The following CHRM3 variants were observed in gnomAD, a reference collection of about 807,000 sequenced individuals.
CHRM3 encodes muscarinic acetylcholine receptor M3.
A neutral mutation model predicts 41.8 loss-of-function variants in CHRM3; 11 were observed. The ratio of observed to expected loss-of-function variants is 0.26; its 90% CI spans 0.17 to 0.44. The LOEUF (loss-of-function observed/expected upper bound fraction) is 0.44, where lower values mean the gene tolerates loss of function less well. Among genes scored for constraint, CHRM3 ranks in the 20% least tolerant of loss-of-function variants. CHRM3 has a pLI of 1.00. For synonymous variants in CHRM3, 297 were observed against 301.4 expected (o/e 0.99, Z 0.15); for missense variants, 571 against 745.4 (o/e 0.77, Z 2.72).
Position 239,677,160 on chromosome 1 carries a change from T to A in CHRM3, c.-249-1026T>A, listed in dbSNP as rs1658092495. Among the ~76,000 whole-genome samples, 4 of 152,216 alleles carry A rather than the reference T, an allele frequency of 2.6e-5. No individual in the cohort carries two copies. The South Asian group carries it at 8.3e-4, about 32-fold the overall frequency. On this transcript the variant is annotated intron_variant, in intron 4 of 6. Transcript: ENST00000676153. ...TCTGCTCCTTGAACTGGCAATGATTTAGCTTTCCACATCCTGAATGGGGGT... is the reference window on the plus strand; with the variant it reads ...TCTGCTCCTTGAACTGGCAATGATTAAGCTTTCCACATCCTGAATGGGGGT...
intron 1 of CHRM3, among the ~76,000 whole-genome samples, chr1:239,442,403 G>A (rs1470816522): frequency 6.6e-6 from 1 of 151,962 alleles, no homozygotes; most frequent in Non-Finnish European, 1.5e-5. Context: ...CGCTGCACCC[G>A]GCCAAAATAC....
intron 1 of CHRM3, among the ~76,000 whole-genome samples, chr1:239,431,960 T>G (rs545527529): frequency 6.6e-6 from 1 of 151,952 alleles, no homozygotes; most frequent in Admixed American, 6.6e-5. Flanking sequence ...GAGTATAGAG[T>G]AGGAACCAGG....
At chr1:239,390,370 A>G (rs1334784125) in intron 1 of CHRM3, among the ~76,000 whole-genome samples, 2 of 152,196 alleles carry the variant, frequency 1.3e-5, no homozygotes, top group Admixed American at 6.5e-5. Flanking sequence ...CATCAATGGA[A>G]AGTTTTAATT....
At chr1:239,429,209 G>A (rs1662629861) in intron 1 of CHRM3, among the ~76,000 whole-genome samples, 1 of 152,064 alleles carries the variant, frequency 6.6e-6, no homozygotes, top group African/African-American at 2.4e-5. Context: ...TTAGCTTTTT[G>A]CATGTCTAAC....
At position 239,480,569 on chromosome 1, in the gene CHRM3, T is replaced by TTG. The variant is rs1553309544; in HGVS notation, c.-520-12139_-520-12138insGT. Among the ~76,000 whole-genome samples the TTG allele has an allele frequency of 7.1e-3, 963 of 135,420 alleles. 7 individuals carry two copies. Among genetic ancestry groups the TTG allele is most frequent in the African/African-American group, 0.025 (915 of 36,806 alleles). The allele number at this position is 135,420 out of a possible 152,430, so 88.8% of individuals were successfully genotyped here. A position where few individuals can be genotyped will look rare whatever the true frequency, so the allele number is the denominator to read the frequency against. ...TTTTTTTTTTTTTTTTTTTTTTTTT[T>TTG]TTGTTGAGACGGAGTCTAGCTCTGT... On this transcript the variant is annotated intron_variant, in intron 1 of 6. Coordinates refer to ENST00000676153, the MANE Select transcript of CHRM3 (RefSeq NM_001375978.1).
rs34075379 is a variant in CHRM3, at chr1:239,809,019, A to ATTTTTTT, written c.-146-18221_-146-18215dup. ...GTCTGGGTCTTTGACTCTGAAGTCC[A>ATTTTTTT]TTTTTTTTTTTTTTTTTTGAGACAG... is the stretch of plus-strand genomic sequence containing the variant. On this transcript the variant is annotated intron_variant, in intron 5 of 6. Coordinates refer to ENST00000676153, the MANE Select transcript of CHRM3 (RefSeq NM_001375978.1). Among the ~76,000 whole-genome samples the ATTTTTTT allele has an allele frequency of 4.8e-5, 6 of 125,242 alleles. 1 individual carries two copies. Among genetic ancestry groups the ATTTTTTT allele is most frequent in the Non-Finnish European group, 6.4e-5 (4 of 62,116 alleles). The allele number at this position is 125,242 out of a possible 152,430, so 82.2% of individuals were successfully genotyped here.
At chr1:239,717,143 G>C (rs965060039) in intron 5 of CHRM3, among the ~76,000 whole-genome samples, 1 of 151,820 alleles carries the variant, frequency 6.6e-6, no homozygotes, top group Admixed American at 6.6e-5. Flanking sequence ...CTTCTCTAAC[G>C]GTGTTCTTGG....
chr1:239,485,491 C>T (rs1667128771), intron 1 of CHRM3, among the ~76,000 whole-genome samples: 1 of 152,048 alleles, frequency 6.6e-6, no homozygotes, highest in African/African-American at 2.4e-5. Flanking sequence ...ACTATATTGC[C>T]CAGGCTAGTC....
Position 239,909,182 on chromosome 1 carries a change from G to C in CHRM3, c.1731G>C (p.Gln577His). The C allele has an allele frequency of 6.2e-7, 1 of 1,613,382 alleles. No individual in the cohort carries two copies. The highest frequency in any genetic ancestry group is 8.5e-7 in the Non-Finnish European group (1 of 1,179,826). ...GCAAGCAGCAGTACCAGCAGAGACA[G>C]TCGGTCATTTTTCACAAGCGCGCAC... ...KRRKQQYQQR[Q>H]SVIFHKRAPE... Residue 577 changes from glutamine (Q) to histidine (H), a missense_variant, in exon 7 of 7, where the codon CAG becomes CAC. This residue lies in a region of CHRM3 where 44 missense variants were observed against 39.7 expected (regional missense o/e 1.11). Transcript: ENST00000676153.
At chr1:239,860,246 G>A (rs951588315) in intron 6 of CHRM3, among the ~76,000 whole-genome samples, 2 of 152,046 alleles carry the variant, frequency 1.3e-5, no homozygotes, top group Non-Finnish European at 2.9e-5. Flanking sequence ...AAACAAGTCT[G>A]ATATTGCATT....
intron 5 of CHRM3, among the ~76,000 whole-genome samples, chr1:239,799,090 G>A (rs1243501095): frequency 1.3e-5 from 2 of 152,166 alleles, no homozygotes; most frequent in African/African-American, 2.4e-5. Context: ...GACCAGATAT[G>A]CTGAACACCA....
intron 4 of CHRM3, among the ~76,000 whole-genome samples, chr1:239,663,337 T>A (rs1238428932): frequency 6.6e-6 from 1 of 152,106 alleles, no homozygotes; most frequent in African/African-American, 2.4e-5. Flanking sequence ...TTGTGAACAG[T>A]TTGTTAAATT....
At chr1:239,788,260 C>T (rs757102592) in intron 5 of CHRM3, among the ~76,000 whole-genome samples, 5 of 151,596 alleles carry the variant, frequency 3.3e-5, no homozygotes, top group Non-Finnish European at 5.9e-5. Flanking sequence ...CAAGACAAAA[C>T]GAAAAAATAG....
intron 6 of CHRM3, among the ~76,000 whole-genome samples, chr1:239,837,238 G>T (rs749368608): frequency 6.6e-6 from 1 of 151,724 alleles, no homozygotes; most frequent in Non-Finnish European, 1.5e-5. Context: ...CCTTTGAAGA[G>T]TCTGTTTAGA....
intron 3 of CHRM3, among the ~76,000 whole-genome samples, chr1:239,554,677 A>T (rs1660185745): frequency 6.6e-6 from 1 of 151,540 alleles, no homozygotes; most frequent in Admixed American, 6.6e-5. Flanking sequence ...CTAAAAATTA[A>T]GTTTTTGATA....
intron 6 of CHRM3, among the ~76,000 whole-genome samples, chr1:239,888,757 C>T (rs1678287075): frequency 2.0e-5 from 3 of 152,250 alleles, no homozygotes; most frequent in South Asian, 4.2e-4. Flanking sequence ...TCAGTAGTGT[C>T]CCAAACCCAG....
At chr1:239,654,939 T>A (rs1672581004) in intron 4 of CHRM3, among the ~76,000 whole-genome samples, 1 of 152,230 alleles carries the variant, frequency 6.6e-6, no homozygotes, top group Non-Finnish European at 1.5e-5. Flanking sequence ...CACTGACTTT[T>A]TCATGTCAAC....
At chr1:239,516,410 A>T (rs2148232932) in intron 2 of CHRM3, among the ~76,000 whole-genome samples, 1 of 152,336 alleles carries the variant, frequency 6.6e-6, no homozygotes, top group Non-Finnish European at 1.5e-5. Context: ...GTGCATGTGA[A>T]GGTGTTTAGC....
In CHRM3 at chr1:239,884,165, GA is replaced by G. The variant is rs547248159; in HGVS notation, c.-19-23263del. Among the ~76,000 whole-genome samples, 369 of 152,266 alleles carry G rather than the reference GA, an allele frequency of 2.4e-3. 3 individuals are homozygous for G. Among genetic ancestry groups the G allele is most frequent in the African/African-American group, 8.6e-3 (358 of 41,556 alleles). On this transcript the variant is annotated intron_variant, in intron 6 of 6. Transcript: ENST00000676153. The stretch of plus-strand genomic sequence containing the variant: ...GAACCTGTGAATGTTACCTAATTTG[GA>G]AAAAGAGTCTTTGCAGATGTAATTA...
Sources: gnomAD v4.1 joint callset for allele counts (sites outside exome capture counted in the v4.1 genomes callset) on GRCh38, gnomAD v4.1.1 for gene constraint, gnomAD v4.1.1 regional missense constraint, MANE v1.5 for transcripts, NCBI Gene and HGNC (gene_info 2026-07-23, HGNC 2026-07-21) for gene names.